PPTC7: variants seen among roughly 807,000 people sequenced by gnomAD.
The protein encoded by PPTC7 is protein phosphatase PTC7 homolog.
Under a neutral mutation model 30.8 loss-of-function variants are expected in PPTC7, and 6 were observed. The ratio of observed to expected loss-of-function variants is 0.19; its 90% confidence interval spans 0.11 to 0.38. PPTC7 has a LOEUF of 0.38. PPTC7 is among the 10% of genes least tolerant of loss of function. PPTC7 has a pLI of 1.00. For synonymous variants in PPTC7, 163 were observed against 168.1 expected, an observed-to-expected ratio of 0.97 and a Z score of 0.23; for missense variants, 218 against 404.8, an observed-to-expected ratio of 0.54 and a Z score of 3.96.
chr12:110,551,276 G>A (rs1237498534), intron 2 of PPTC7, among the ~76,000 whole-genome samples: 4 of 152,190 alleles, frequency 2.6e-5, no homozygotes, highest in African/African-American at 9.7e-5. Flanking sequence ...ATACCAAATT[G>A]TTTTCCGAAG....
At position 110,536,870 on chromosome 12, in the gene PPTC7, G is replaced by A. The variant is rs1019402443; in HGVS notation, c.*167C>T. On this transcript the variant is annotated 3_prime_UTR_variant, in exon 6 of 6. Coordinates refer to ENST00000354300, the MANE Select transcript of PPTC7 (RefSeq NM_139283.2). ...AGATATGAGCTAGTGAATGATAGTAGTGGTTCTCAACAAAGATCTCAACGA... is the reference window on the plus strand; with the variant it reads ...AGATATGAGCTAGTGAATGATAGTAATGGTTCTCAACAAAGATCTCAACGA... 2.1e-5 allele frequency: 13 copies of A among 614,988 alleles called. No homozygotes were observed. Among genetic ancestry groups the A allele is most frequent in the Admixed American group, 2.7e-5 (1 of 37,248 alleles). The allele number at this position is 614,988 out of a possible 1,614,324, so 38.1% of individuals were successfully genotyped here.
chr12:110,543,805 G>A (rs781137112), intron 3 of PPTC7, among the ~76,000 whole-genome samples: 1 of 152,192 alleles, frequency 6.6e-6, no homozygotes, highest in Non-Finnish European at 1.5e-5. Flanking sequence ...GAAATCACAT[G>A]CTAGCGAGCT....
At chr12:110,575,496 T>C (rs902118302) in intron 1 of PPTC7, among the ~76,000 whole-genome samples, 3 of 148,704 alleles carry the variant, frequency 2.0e-5, no homozygotes, top group Non-Finnish European at 4.4e-5. Flanking sequence ...CACACACTAG[T>C]ACAAACTCCA....
In PPTC7 at chr12:110,535,635, T is replaced by C. The variant is rs768136199; in HGVS notation, c.*1402A>G. ...TCAGGTTTAATTGCATTCTCATCTATACACCAATGTTACCTGACTTATATA... is the reference window on the plus strand; with the variant it reads ...TCAGGTTTAATTGCATTCTCATCTACACACCAATGTTACCTGACTTATATA... On this transcript the variant is annotated 3_prime_UTR_variant, in exon 6 of 6. Coordinates refer to ENST00000354300, the MANE Select transcript of PPTC7 (RefSeq NM_139283.2). 4.6e-5 allele frequency: 7 copies of C among 152,600 alleles called. No individual in the cohort carries two copies. Among genetic ancestry groups the C allele is most frequent in the African/African-American group, 1.2e-4 (5 of 41,464 alleles). The allele number at this position is 152,600 out of a possible 1,614,324, so 9.5% of individuals were successfully genotyped here.
intron 2 of PPTC7, among the ~76,000 whole-genome samples, chr12:110,550,686 G>A (rs947247956): frequency 1.3e-5 from 2 of 152,142 alleles, no homozygotes; most frequent in Non-Finnish European, 1.5e-5. Flanking sequence ...ACAAACAAAC[G>A]TAGAGGCCTG....
chr12:110,541,339 A>C (rs919071072), intron 3 of PPTC7, among the ~76,000 whole-genome samples: 1 of 151,558 alleles, frequency 6.6e-6, no homozygotes, highest in Non-Finnish European at 1.5e-5. Flanking sequence ...CCAGTGAGCC[A>C]AGATCGTGCC....
intron 1 of PPTC7, among the ~76,000 whole-genome samples, chr12:110,580,614 A>G (rs1327014231): frequency 6.6e-6 from 1 of 152,246 alleles, no homozygotes; most frequent in Non-Finnish European, 1.5e-5. Flanking sequence ...TGCTGGGATT[A>G]CAGGCGTGAG....
At chr12:110,579,598 G>C (rs951205762) in intron 1 of PPTC7, among the ~76,000 whole-genome samples, 8 of 152,140 alleles carry the variant, frequency 5.3e-5, no homozygotes, top group African/African-American at 1.9e-4. Flanking sequence ...CAGGGGTTGT[G>C]AATCAAGGAA....
In PPTC7 at chr12:110,554,515, T is replaced by G. The variant is rs552904027; in HGVS notation, c.224-2547A>C. On this transcript the variant is annotated intron_variant, in intron 1 of 5. Coordinates refer to ENST00000354300, the MANE Select transcript of PPTC7 (RefSeq NM_139283.2). ...TTAGTTAATATGAATATTAGGAAAT[T>G]TAAAATTACATATGTGGCTCACATT... Among the ~76,000 whole-genome samples, 230 of 152,316 alleles carry G rather than the reference T, an allele frequency of 1.5e-3. 1 individual carries two copies. The highest frequency in any genetic ancestry group is 2.7e-3 in the Non-Finnish European group (186 of 68,026).
chr12:110,575,140 T>C lies in PPTC7; in HGVS notation c.223+7669A>G, dbSNP rs115498371. On this transcript the variant is annotated intron_variant, in intron 1 of 5. Transcript: ENST00000354300. Reference sequence around the variant, plus strand: ...ACGACTCCCAAACAAGACAGACTCATAAATTTTATTACTAACAACAAAAAT... The same window carrying C: ...ACGACTCCCAAACAAGACAGACTCACAAATTTTATTACTAACAACAAAAAT... 5.7e-3 allele frequency among the ~76,000 whole-genome samples: 873 copies of C among 152,062 alleles called. 3 individuals carry two copies. The highest frequency in any genetic ancestry group is 0.02 in the African/African-American group (835 of 41,482).
intron 1 of PPTC7, among the ~76,000 whole-genome samples, chr12:110,563,747 T>C (rs748042892): frequency 2.6e-5 from 4 of 152,360 alleles, no homozygotes; most frequent in Middle Eastern, 3.4e-3. Flanking sequence ...GCTAGCTTAG[T>C]AATTATGAGA....
intron 1 of PPTC7, among the ~76,000 whole-genome samples, chr12:110,579,947 A>G (rs1350864015): frequency 2.6e-5 from 4 of 151,848 alleles, no homozygotes; most frequent in Non-Finnish European, 5.9e-5. Flanking sequence ...CGGGAGGCGG[A>G]GGTTGCAGTG....
intron 1 of PPTC7, among the ~76,000 whole-genome samples, chr12:110,553,181 C>T (rs867320866): frequency 2.7e-5 from 4 of 146,252 alleles, no homozygotes; most frequent in South Asian, 2.4e-4. Context: ...GAAACTCCAT[C>T]GCTCTGTCAC....
Position 110,583,158 on chromosome 12 carries a change from G to GGCC in PPTC7, c.-130_-128dup, listed in dbSNP as rs909090873. 1.3e-5 allele frequency: 7 copies of GGCC among 519,976 alleles called. No individual in the cohort carries two copies. Among genetic ancestry groups the GGCC allele is most frequent in the African/African-American group, 8.2e-5 (4 of 48,862 alleles). 32.2% of individuals were successfully genotyped at this position (519,976 alleles called of 1,614,324 possible). Reference sequence around the variant, plus strand: ...GGCGCTCCTCAGGGCGGCGCGCAGTGGCCGCCGCCGCCCCTGCCCGACGCG... The same window carrying GGCC: ...GGCGCTCCTCAGGGCGGCGCGCAGTGGCCGCCGCCGCCGCCCCTGCCCGACGCG... On this transcript the variant is annotated 5_prime_UTR_variant, in exon 1 of 6. Coordinates refer to ENST00000354300, the MANE Select transcript of PPTC7 (RefSeq NM_139283.2).
chr12:110,553,778 CA>C (rs1209212187), intron 1 of PPTC7, among the ~76,000 whole-genome samples: 1 of 152,080 alleles, frequency 6.6e-6, no homozygotes, highest in Non-Finnish European at 1.5e-5. Flanking sequence ...GACCTGGTCT[CA>C]AAAAATGAAA....
At chr12:110,543,680 G>A (rs931030915) in intron 3 of PPTC7, among the ~76,000 whole-genome samples, 4 of 152,208 alleles carry the variant, frequency 2.6e-5, no homozygotes, top group East Asian at 1.9e-4. Context: ...TGGACAGTTC[G>A]TCCTCTCCTA....
chr12:110,574,936 G>A (rs995080043), intron 1 of PPTC7, among the ~76,000 whole-genome samples: 1 of 146,696 alleles, frequency 6.8e-6, no homozygotes, highest in Non-Finnish European at 1.5e-5. Context: ...TCGCCACCAT[G>A]CCCGGCTTTT....
chr12:110,541,106 G>C (rs1332602841), intron 3 of PPTC7, among the ~76,000 whole-genome samples: 1 of 151,656 alleles, frequency 6.6e-6, no homozygotes. Flanking sequence ...TCACTGCTGG[G>C]TGTGGTGGCT....
At chr12:110,542,340 C>CTA (rs1398197078) in intron 3 of PPTC7, among the ~76,000 whole-genome samples, 2 of 151,332 alleles carry the variant, frequency 1.3e-5, no homozygotes, top group African/African-American at 4.8e-5. Flanking sequence ...ATGGATGCTT[C>CTA]TATATGCAGG....
Sources: allele counts gnomAD v4.1 joint callset (sites outside exome capture counted in the v4.1 genomes callset), GRCh38; gene constraint gnomAD v4.1.1; transcripts MANE v1.5; gene names NCBI Gene and HGNC (gene_info 2026-07-23, HGNC 2026-07-21).